Variants in RREB1 observed in about 807,000 individuals in gnomAD.
RREB1 encodes the protein ras responsive element binding protein 1.
RREB1 carries 27 observed loss-of-function variants against 117.8 expected under a neutral mutation model. That is an observed-to-expected ratio of 0.23 (90% CI 0.17 to 0.32). The LOEUF is 0.32. Among genes scored for constraint, RREB1 ranks in the 10% least tolerant of loss-of-function variants. RREB1 has a pLI of 1.00. For missense variants in RREB1, 2,577 were observed against 2,378.2 expected (o/e 1.08, Z -1.74); for synonymous variants, 1,298 against 1,026.7 (o/e 1.26, Z -5.05).
intron 1 of RREB1, among the ~76,000 whole-genome samples, chr6:7,112,330 G>C (rs186842809): frequency 6.6e-6 from 1 of 152,226 alleles, no homozygotes; most frequent in East Asian, 1.9e-4. Context: ...TGGTAAGCCT[G>C]TTGTAAGCCA....
At chr6:7,194,957 G>C (rs1374316974) in intron 6 of RREB1, among the ~76,000 whole-genome samples, 8 of 152,148 alleles carry the variant, frequency 5.3e-5, no homozygotes, top group Non-Finnish European at 8.8e-5. Context: ...AGTATTATCC[G>C]TACCTACCGC....
intron 2 of RREB1, among the ~76,000 whole-genome samples, chr6:7,180,679 G>A (rs1056346006): frequency 6.6e-6 from 1 of 152,134 alleles, no homozygotes; most frequent in South Asian, 2.1e-4. Flanking sequence ...TTTTCATGTC[G>A]CCAGGTTTCT....
chr6:7,246,128 C>T (rs1260200356), intron 11 of RREB1, among the ~76,000 whole-genome samples: 1 of 152,230 alleles, frequency 6.6e-6, no homozygotes, highest in Non-Finnish European at 1.5e-5. Flanking sequence ...CTGCCTGAGT[C>T]ACTCACACCT....
intron 1 of RREB1, among the ~76,000 whole-genome samples, chr6:7,160,873 A>C (rs1042569636): frequency 6.6e-6 from 1 of 151,808 alleles, no homozygotes; most frequent in East Asian, 1.9e-4. Context: ...TTTAGTAGAG[A>C]TGGAGTTTCA....
chr6:7,226,351 A>T, intron 8 of RREB1, 116 bp from the exon 9 acceptor site: 1 of 691,812 alleles, frequency 1.4e-6, no homozygotes, highest in Non-Finnish European at 2.3e-6. Context: ...TTTTTATTTT[A>T]CTCAATTGAA....
At chr6:7,116,422 T>C (rs991248697) in intron 1 of RREB1, among the ~76,000 whole-genome samples, 7 of 152,240 alleles carry the variant, frequency 4.6e-5, no homozygotes, top group Non-Finnish European at 1.0e-4. Context: ...GAGTAACTTT[T>C]ACCCCCATCT....
intron 1 of RREB1, among the ~76,000 whole-genome samples, chr6:7,153,995 T>C (rs1763246117): frequency 6.6e-6 from 1 of 152,236 alleles, no homozygotes; most frequent in Non-Finnish European, 1.5e-5. Flanking sequence ...AAGTGATGGC[T>C]GGTACTTGTG....
chr6:7,213,946 A>C (rs1283904256), intron 8 of RREB1: 1 of 152,276 alleles, frequency 6.6e-6, no homozygotes, highest in Non-Finnish European at 1.5e-5. Context: ...TGAGCAGTCC[A>C]AGCCTGCATA....
Position 7,226,482 on chromosome 6 carries a change from T to C in RREB1, c.723T>C (p.Cys241=). The part of the protein sequence containing the change: ...SDNPLRCDIC[C]VTFRTHRGLL... ...CCTCTCCTAGATGTGACATTTGTTGTGTCACCTTTCGAACACATCGAGGAC... is the reference window on the plus strand; with the variant it reads ...CCTCTCCTAGATGTGACATTTGTTGCGTCACCTTTCGAACACATCGAGGAC... Residue 241 remains cysteine (C), a synonymous_variant, in exon 9 of 13, where the codon TGT becomes TGC. Transcript: ENST00000379938. The C allele has an allele frequency of 6.2e-7, 1 of 1,612,386 alleles. No individual in the cohort carries two copies. The highest frequency in any genetic ancestry group is 1.1e-5 in the South Asian group (1 of 90,780).
At chr6:7,237,786 A>G (rs532465673) in intron 10 of RREB1, among the ~76,000 whole-genome samples, 1 of 152,356 alleles carries the variant, frequency 6.6e-6, no homozygotes, top group Non-Finnish European at 1.5e-5. Flanking sequence ...GCCCACCACT[A>G]TGTAAAAATG....
chr6:7,202,664 G>A (rs539156415), intron 6 of RREB1, among the ~76,000 whole-genome samples: 1 of 152,174 alleles, frequency 6.6e-6, no homozygotes, highest in East Asian at 1.9e-4. Context: ...TGGGGATTTG[G>A]ACCCCAGGCT....
intron 8 of RREB1, among the ~76,000 whole-genome samples, chr6:7,220,969 C>G (rs1767212821): frequency 6.6e-6 from 1 of 152,304 alleles, no homozygotes; most frequent in South Asian, 2.1e-4. Context: ...TTACAGTGGC[C>G]TCTATTGTCC....
chr6:7,108,316 T>TTCCTCCTCCTCCTCCTCCTCCTCC (rs143321297), intron 1 of RREB1, among the ~76,000 whole-genome samples: 27 of 148,162 alleles, frequency 1.8e-4, no homozygotes, highest in Non-Finnish European at 3.0e-4. Context: ...CGCCGGGCCA[T>TTCCTCCTCCTCCTCCTCCTCCTCC]TCCTCCTCCT....
chr6:7,190,320 C>T (rs1396055324), intron 6 of RREB1, among the ~76,000 whole-genome samples: 2 of 152,016 alleles, frequency 1.3e-5, no homozygotes, highest in Non-Finnish European at 2.9e-5. Flanking sequence ...GCTATTTTGA[C>T]CCCCCAAAAC....
At chr6:7,212,103 T>A (rs1766644907) in intron 8 of RREB1, 4 of 232,294 alleles carry the variant, frequency 1.7e-5, no homozygotes, top group Non-Finnish European at 3.4e-5. Flanking sequence ...AGCCCACGTG[T>A]TGGATACCCC....
chr6:7,123,672 G>A (rs556807126), intron 1 of RREB1, among the ~76,000 whole-genome samples: 1 of 145,120 alleles, frequency 6.9e-6, no homozygotes, highest in South Asian at 2.2e-4. Flanking sequence ...GTGCAGTGGC[G>A]TGACCTCAGC....
chr6:7,218,063 G>A (rs1767013397), intron 8 of RREB1: 1 of 152,252 alleles, frequency 6.6e-6, no homozygotes, highest in Admixed American at 6.5e-5. Flanking sequence ...AAACGTGAAG[G>A]AACTCGACAC....
chr6:7,223,289 C>T (rs1290877351), intron 8 of RREB1, among the ~76,000 whole-genome samples: 1 of 142,796 alleles, frequency 7.0e-6, no homozygotes, highest in Admixed American at 6.9e-5. Flanking sequence ...AGGCCGGGCA[C>T]GATGGCTCAC....
At chr6:7,110,388 A>G (rs539735704) in intron 1 of RREB1, among the ~76,000 whole-genome samples, 1 of 152,320 alleles carries the variant, frequency 6.6e-6, no homozygotes, top group Non-Finnish European at 1.5e-5. Context: ...GTTTTGTGCT[A>G]TCTTCAAGAG....
Sources: gnomAD v4.1 joint callset for allele counts (sites outside exome capture counted in the v4.1 genomes callset) on GRCh38, gnomAD v4.1.1 for gene constraint, MANE v1.5 for transcripts, NCBI Gene and HGNC (gene_info 2026-07-23, HGNC 2026-07-21) for gene names.